NUP153: variants seen among roughly 807,000 people sequenced by gnomAD.
NUP153 encodes the protein nuclear pore complex protein Nup153.
In NUP153, 27 loss-of-function variants were observed where a neutral mutation model predicts 134.6. The observed-to-expected ratio is 0.20, with a 90% CI of 0.15 to 0.28. The LOEUF is 0.28. NUP153 is among the 10% of genes least tolerant of loss of function. The pLI, the probability that NUP153 is intolerant of heterozygous loss-of-function variation, is 1.00. For synonymous variants in NUP153, 640 were observed against 623.5 expected, an observed-to-expected ratio of 1.03 and a Z score of -0.40; for missense variants, 1,821 against 1,731.3, an observed-to-expected ratio of 1.05 and a Z score of -0.92.
chr6:17,639,890 T>G, intron 15 of NUP153, 49 bp downstream of exon 15: 1 of 1,533,024 alleles, frequency 6.5e-7, no homozygotes, highest in Non-Finnish European at 8.8e-7. Flanking sequence ...TGACATTAAA[T>G]TGAGATCATG....
intron 1 of NUP153, among the ~76,000 whole-genome samples, chr6:17,701,831 T>TCGGGG (rs1554148644): frequency 6.6e-5 from 1 of 15,054 alleles, no homozygotes; most frequent in African/African-American, 1.6e-4. Context: ...AGACTCTGTC[T>TCGGGG]CGGGGGGGGG....
chr6:17,672,807 C>T (rs778601301), intron 5 of NUP153, among the ~76,000 whole-genome samples: 3 of 152,018 alleles, frequency 2.0e-5, no homozygotes, highest in African/African-American at 7.2e-5. Flanking sequence ...AGTAAGACTC[C>T]TACCTTTCAT....
rs999535461 is a variant in NUP153 at position 17,616,287 on chromosome 6, G to A, written c.4344-106C>T. 5.1e-4 allele frequency: 255 copies of A among 502,884 alleles called. 1 individual carries two copies. Among genetic ancestry groups the A allele is most frequent in the Non-Finnish European group, 7.6e-4 (211 of 278,136 alleles). 31.2% of individuals were successfully genotyped at this position (502,884 alleles called of 1,614,324 possible). On this transcript the variant is annotated intron_variant, in intron 21 of 21. Transcript: ENST00000262077. ...CAAGGGTAAGGGGGGTCGGGTGGGG[G>A]GGGAGTAGACTCACATTGGTATATA...
chr6:17,616,256 G>A, intron 21 of NUP153, 75 bp from the exon 22 acceptor site: 1 of 470,306 alleles, frequency 2.1e-6, no homozygotes, highest in Non-Finnish European at 3.9e-6. Flanking sequence ...TTTACCATGA[G>A]CAGCACAAGG....
intron 16 of NUP153, among the ~76,000 whole-genome samples, chr6:17,635,748 A>C (rs1347345423): frequency 2.6e-5 from 4 of 152,162 alleles, no homozygotes; most frequent in Non-Finnish European, 4.4e-5. Flanking sequence ...CCGGTCTCCA[A>C]ATTTTTTTGT....
chr6:17,637,986 G>C (rs529469616), intron 15 of NUP153, among the ~76,000 whole-genome samples: 1 of 152,228 alleles, frequency 6.6e-6, no homozygotes, highest in South Asian at 2.1e-4. Context: ...AAGATGTTTT[G>C]TTTACAGGAT....
chr6:17,672,581 A>G (rs1036087089), intron 5 of NUP153, among the ~76,000 whole-genome samples: 1 of 152,224 alleles, frequency 6.6e-6, no homozygotes, highest in East Asian at 1.9e-4. Context: ...GTCTCAAACA[A>G]AAACACAGAA....
chr6:17,679,034 A>G (rs1007673873), intron 2 of NUP153, among the ~76,000 whole-genome samples: 3 of 152,208 alleles, frequency 2.0e-5, no homozygotes, highest in Non-Finnish European at 4.4e-5. Flanking sequence ...CCAAAGTACT[A>G]TAACAAAAAA....
intron 11 of NUP153, among the ~76,000 whole-genome samples, chr6:17,651,323 A>G (rs1766483329): frequency 6.6e-6 from 1 of 151,998 alleles, no homozygotes; most frequent in African/African-American, 2.4e-5. Flanking sequence ...CAAAACCAAT[A>G]AAAACAGAAT....
At chr6:17,692,439 A>G (rs1769336852) in intron 1 of NUP153, among the ~76,000 whole-genome samples, 1 of 152,160 alleles carries the variant, frequency 6.6e-6, no homozygotes, top group Non-Finnish European at 1.5e-5. Context: ...ACTTGAGCCT[A>G]GGAATTCAAG....
rs117088663 is a variant in NUP153 at position 17,659,528 on chromosome 6, A to G, written c.1395+2125T>C. Among the ~76,000 whole-genome samples, 451 of 152,286 alleles carry G rather than the reference A, an allele frequency of 3.0e-3. 9 individuals carry two copies. The highest frequency in any genetic ancestry group is 0.02 in the East Asian group (106 of 5,192). ...TCGCTCTGTTGCCAGGCTGGAGTACACTGGTGCAATCTTGGCTCACTGCAA... is the reference window on the plus strand; with the variant it reads ...TCGCTCTGTTGCCAGGCTGGAGTACGCTGGTGCAATCTTGGCTCACTGCAA... On this transcript the variant is annotated intron_variant, in intron 11 of 21. Coordinates refer to ENST00000262077, the MANE Select transcript of NUP153 (RefSeq NM_005124.4).
rs149527356 is a variant in NUP153, at chr6:17,702,020, G to A, written c.111+4257C>T. On this transcript the variant is annotated intron_variant, in intron 1 of 21. Coordinates refer to ENST00000262077, the MANE Select transcript of NUP153 (RefSeq NM_005124.4). ...AAAAATAAGTGGTTTCCTCTCACCA[G>A]GAGGTGGCAGTAGGTTCTGGTTTGC... Among the ~76,000 whole-genome samples, 860 of 150,760 alleles carry A rather than the reference G, an allele frequency of 5.7e-3. 3 individuals carry two copies. The highest frequency in any genetic ancestry group is 0.019 in the African/African-American group (797 of 40,900).
intron 11 of NUP153, among the ~76,000 whole-genome samples, chr6:17,649,560 G>A (rs1200456953): frequency 1.1e-4 from 4 of 35,120 alleles, no homozygotes; most frequent in African/African-American, 1.5e-4. Flanking sequence ...TAATTCTTAC[G>A]ATATACTACA....
intron 18 of NUP153, among the ~76,000 whole-genome samples, chr6:17,626,711 A>G (rs1764967380): frequency 6.6e-6 from 1 of 152,204 alleles, no homozygotes; most frequent in African/African-American, 2.4e-5. Flanking sequence ...ATAACTTTAT[A>G]CCATGGACTG....
chr6:17,628,999 GTCT>G lies in NUP153; in HGVS notation c.3197_3199del (p.Lys1066del). ...CATTTCTTCTTTTTTAGCTTCTGATGTCTTACATGTGAAAGGAGCCACTGAAGC... is the reference window on the plus strand; with the variant it reads ...CATTTCTTCTTTTTTAGCTTCTGATGTACATGTGAAAGGAGCCACTGAAGC... On this transcript the variant is annotated inframe_deletion, in exon 18 of 22. Coordinates refer to ENST00000262077, the MANE Select transcript of NUP153 (RefSeq NM_005124.4). This position sits in a 1 kb window ranked among gnomAD's most constrained non-coding sequence, Gnocchi z 5.4. 1 of 1,614,126 alleles carries G rather than the reference GTCT, an allele frequency of 6.2e-7. No homozygotes were observed. Among genetic ancestry groups the G allele is most frequent in the South Asian group, 1.1e-5 (1 of 91,072 alleles).
Position 17,654,324 on chromosome 6 carries a change from AT to A in NUP153, c.1396-5025del, listed in dbSNP as rs34451625. Among the ~76,000 whole-genome samples, 2,610 of 145,048 alleles carry A rather than the reference AT, an allele frequency of 0.018. 224 individuals carry two copies. The East Asian group carries it at 0.29, about 16-fold the overall frequency. ...TCCTTATATTACTGACCTTGAACCAATTTTTTTTTTTTTTGAGACGGAGTTT... is the reference window on the plus strand; with the variant it reads ...TCCTTATATTACTGACCTTGAACCAATTTTTTTTTTTTTGAGACGGAGTTT... On this transcript the variant is annotated intron_variant, in intron 11 of 21. Coordinates refer to ENST00000262077, the MANE Select transcript of NUP153 (RefSeq NM_005124.4).
intron 14 of NUP153, among the ~76,000 whole-genome samples, chr6:17,643,825 G>A (rs73722994): frequency 2.5e-4 from 38 of 152,250 alleles, no homozygotes; most frequent in African/African-American, 8.9e-4. Context: ...ATGAAACAAA[G>A]TTGTTGTAAC....
At chr6:17,686,815 G>A (rs920135359) in intron 2 of NUP153, among the ~76,000 whole-genome samples, 4 of 148,368 alleles carry the variant, frequency 2.7e-5, no homozygotes, top group Non-Finnish European at 6.0e-5. Context: ...GGAAATAGGC[G>A]TGCGAATAGA....
chr6:17,655,517 G>A (rs1334933288), intron 11 of NUP153, among the ~76,000 whole-genome samples: 2 of 150,316 alleles, frequency 1.3e-5, no homozygotes, highest in African/African-American at 2.5e-5. Flanking sequence ...GCAGTGGTAC[G>A]ATCTCAGCTC....
Sources: gnomAD v4.1 joint callset for allele counts (sites outside exome capture counted in the v4.1 genomes callset) on GRCh38, gnomAD v4.1.1 for gene constraint, Gnocchi (gnomAD v3.1) non-coding constraint, MANE v1.5 for transcripts, NCBI Gene and HGNC (gene_info 2026-07-23, HGNC 2026-07-21) for gene names.